The following PRKCH variants were observed in gnomAD, a reference collection of about 807,000 sequenced individuals.
PRKCH encodes the protein protein kinase C eta.
In PRKCH, 28 loss-of-function variants were observed where a neutral mutation model predicts 82.5. The ratio of observed to expected loss-of-function variants is 0.34; its 90% CI spans 0.25 to 0.47. The LOEUF is 0.47. Ranked by LOEUF, PRKCH falls within the 20% of genes least tolerant of loss-of-function variation. PRKCH has a pLI of 1.00. For missense variants in PRKCH, 705 were observed against 881.8 expected (o/e 0.80, Z 2.54); for synonymous variants, 322 against 327.4 (o/e 0.98, Z 0.18).
chr14:61,319,800 G>A (rs1200707494), upstream of PRKCH, among the ~76,000 whole-genome samples: 1 of 152,222 alleles, frequency 6.6e-6, no homozygotes, highest in Non-Finnish European at 1.5e-5. Flanking sequence ...TACAAGCCCT[G>A]CCTAAAGCTA....
At chr14:61,208,715 T>A (rs777569695) in intron 1 of PRKCH, among the ~76,000 whole-genome samples, 9 of 152,212 alleles carry the variant, frequency 5.9e-5, no homozygotes, top group Non-Finnish European at 8.8e-5. Context: ...TAACAACGAT[T>A]GATAAAGTAA....
intron 2 of PRKCH, among the ~76,000 whole-genome samples, chr14:61,399,798 G>T (rs1881500032): frequency 6.6e-6 from 1 of 151,866 alleles, no homozygotes; most frequent in African/African-American, 2.4e-5. Context: ...CAAACATAAA[G>T]GTATTCTATT....
intron 1 of PRKCH, among the ~76,000 whole-genome samples, chr14:61,259,695 G>A (rs1167281693): frequency 6.6e-6 from 1 of 152,134 alleles, no homozygotes; most frequent in East Asian, 1.9e-4. Context: ...AATCTCCACT[G>A]CACACTTGAC....
chr14:61,352,679 A>AAAGGAAAG (rs145542978), intron 1 of PRKCH, among the ~76,000 whole-genome samples: 2 of 121,010 alleles, frequency 1.7e-5, no homozygotes, highest in African/African-American at 6.0e-5. Context: ...AGAGAGAGAG[A>AAAGGAAAG]GAAAGGAAAG....
chr14:61,439,487 A>G (rs1282192227), intron 2 of PRKCH, among the ~76,000 whole-genome samples: 1 of 152,200 alleles, frequency 6.6e-6, no homozygotes, highest in Non-Finnish European at 1.5e-5. Flanking sequence ...AAAATAATGT[A>G]AAAGGGCAGA....
chr14:61,235,185 A>G (rs2044777757), intron 1 of PRKCH, among the ~76,000 whole-genome samples: 1 of 152,214 alleles, frequency 6.6e-6, no homozygotes, highest in Admixed American at 6.5e-5. Context: ...ACCATGCTCC[A>G]TATGGGCATC....
intron 1 of PRKCH, among the ~76,000 whole-genome samples, chr14:61,370,866 C>T (rs1042867547): frequency 6.6e-6 from 1 of 152,036 alleles, no homozygotes; most frequent in Non-Finnish European, 1.5e-5. Context: ...GTGTGGATAA[C>T]ACCAAACACT....
intron 9 of PRKCH, among the ~76,000 whole-genome samples, chr14:61,467,531 T>C (rs1290317994): frequency 6.6e-6 from 1 of 152,220 alleles, no homozygotes; most frequent in Non-Finnish European, 1.5e-5. Flanking sequence ...TTACTGCTTG[T>C]GCTCTGTGTT....
At chr14:61,236,158 T>G (rs1315001608) in intron 1 of PRKCH, among the ~76,000 whole-genome samples, 21 of 151,998 alleles carry the variant, frequency 1.4e-4, no homozygotes, top group Admixed American at 1.4e-3. Flanking sequence ...TGACGTGAGG[T>G]CAGGAGTTTG....
intron 1 of PRKCH, among the ~76,000 whole-genome samples, chr14:61,188,492 AC>A (rs1398774159): frequency 6.7e-6 from 1 of 149,944 alleles, no homozygotes; most frequent in Non-Finnish European, 1.5e-5. Context: ...TGGCTCCGCA[AC>A]CCAACCTCTT....
intron 1 of PRKCH, among the ~76,000 whole-genome samples, chr14:61,301,305 A>G (rs1186141051): frequency 6.6e-6 from 1 of 152,202 alleles, no homozygotes; most frequent in Non-Finnish European, 1.5e-5. Context: ...ATCATCACTG[A>G]AATAAATATG....
At chr14:61,449,431 T>G (rs904984792) in intron 5 of PRKCH, among the ~76,000 whole-genome samples, 179 bp downstream of exon 5, 11 of 152,244 alleles carry the variant, frequency 7.2e-5, no homozygotes, top group Non-Finnish European at 1.3e-4. Context: ...AGGGTTGTAT[T>G]AGAATAGAAA....
At chr14:61,293,899 A>G (rs375916649) in intron 1 of PRKCH, among the ~76,000 whole-genome samples, 6 of 152,202 alleles carry the variant, frequency 3.9e-5, no homozygotes, top group African/African-American at 7.2e-5. Context: ...TTTCAAGGTA[A>G]TAATATGTTT....
intron 9 of PRKCH, among the ~76,000 whole-genome samples, chr14:61,483,190 T>A (rs750103296): frequency 3.3e-5 from 5 of 152,276 alleles, no homozygotes; most frequent in Non-Finnish European, 5.9e-5. Flanking sequence ...AACCTTACTA[T>A]GCAGATGCAG....
chr14:61,373,113 T>C (rs2046384483), intron 1 of PRKCH, among the ~76,000 whole-genome samples: 1 of 151,936 alleles, frequency 6.6e-6, no homozygotes, highest in Non-Finnish European at 1.5e-5. Context: ...ACTAGTTGGG[T>C]TGTAGCTGTG....
At chr14:61,360,292 G>C (rs2046206474) in intron 1 of PRKCH, among the ~76,000 whole-genome samples, 1 of 152,204 alleles carries the variant, frequency 6.6e-6, no homozygotes, top group Non-Finnish European at 1.5e-5. Flanking sequence ...ATCACTTGAG[G>C]TCAGGAGATC....
At chr14:61,448,351 G>A (rs1957896) in intron 4 of PRKCH, among the ~76,000 whole-genome samples, 132,395 of 152,232 alleles carry the variant, frequency 0.87, 60,283 homozygotes, top group Non-Finnish European at 1. Context: ...TATCTGCAGT[G>A]TATCACTTAT....
chr14:61,536,360 C>A (rs2043108960), intron 12 of PRKCH, among the ~76,000 whole-genome samples: 1 of 152,176 alleles, frequency 6.6e-6, no homozygotes, highest in African/African-American at 2.4e-5. Context: ...AGAATCCTCA[C>A]TGTTGGACTT....
chr14:61,249,888 G>T (rs939261887), intron 1 of PRKCH, among the ~76,000 whole-genome samples: 1 of 151,502 alleles, frequency 6.6e-6, no homozygotes, highest in Non-Finnish European at 1.5e-5. Context: ...CAAAGTGCTG[G>T]GATTACAGGC....
Sources: allele counts gnomAD v4.1 joint callset (sites outside exome capture counted in the v4.1 genomes callset), GRCh38; gene constraint gnomAD v4.1.1; transcripts MANE v1.5; gene names NCBI Gene and HGNC (gene_info 2026-07-23, HGNC 2026-07-21).